The following NOX3 variants were observed in gnomAD, a reference collection of about 807,000 sequenced individuals.
The protein encoded by NOX3 is NADPH oxidase 3, also known as NADPH oxidase catalytic subunit-like 3.
In NOX3, 74 loss-of-function variants were observed where a neutral mutation model predicts 76.7. The observed-to-expected ratio is 0.96, with a 90% confidence interval of 0.80 to 1.17. The LOEUF (loss-of-function observed/expected upper bound fraction) is 1.17. NOX3 is among the 50% of genes most tolerant of loss of function. NOX3 has a pLI of 0.00. For missense variants in NOX3, 695 were observed against 703.3 expected, an observed-to-expected ratio of 0.99 and a Z score of 0.13; for synonymous variants, 263 against 261.1, an observed-to-expected ratio of 1.01 and a Z score of -0.07.
intron 7 of NOX3, among the ~76,000 whole-genome samples, chr6:155,435,556 T>G (rs1776893778): frequency 6.6e-6 from 1 of 152,196 alleles, no homozygotes; most frequent in East Asian, 1.9e-4. Context: ...TCACTTATAT[T>G]CTTCATATGT....
At position 155,440,207 on chromosome 6, in the gene NOX3, A is replaced by T. The variant is rs1049670258; in HGVS notation, c.487-70T>A. ...ACACCTTGACATTAAATATCCTGGC[A>T]TATTTTTTTTTTTCATTTTTAGGAC... On this transcript the variant is annotated intron_variant, in intron 5 of 13. Transcript: ENST00000159060. The T allele has an allele frequency of 6.1e-5, 79 of 1,301,462 alleles. 1 individual carries two copies. In the African/African-American group the frequency reaches 1.1e-3, roughly 18 times the overall value. The allele number at this position is 1,301,462 out of a possible 1,614,324, so 80.6% of individuals were successfully genotyped here.
intron 10 of NOX3, among the ~76,000 whole-genome samples, chr6:155,413,956 C>A (rs1210417068): frequency 2.0e-5 from 3 of 152,252 alleles, no homozygotes; most frequent in African/African-American, 7.2e-5. Context: ...TTCCTCCGTA[C>A]ATGAAACTTT....
At chr6:155,443,615 T>C (rs1777023709) in intron 4 of NOX3, among the ~76,000 whole-genome samples, 197 bp from the exon 5 acceptor site, 1 of 152,148 alleles carries the variant, frequency 6.6e-6, no homozygotes, top group Non-Finnish European at 1.5e-5. Context: ...TGTACAAAAA[T>C]CTCCACATTT....
chr6:155,428,972 T>G lies in NOX3; in HGVS notation c.967A>C (p.Ile323Leu), dbSNP rs753620217. ...RGFKMAPGQYILVQCPAISSL... is the reference protein window; with the variant it reads ...RGFKMAPGQYLLVQCPAISSL... ...GATATGGCTGGGCACTGCACCAAGATGTACTGCCCTGGCGCCATTTTAAAG... is the reference window on the plus strand; with the variant it reads ...GATATGGCTGGGCACTGCACCAAGAGGTACTGCCCTGGCGCCATTTTAAAG... Residue 323 changes from isoleucine to leucine, a missense_variant, in exon 9 of 14, where the codon ATC (isoleucine) becomes CTC (leucine). Ile to Leu is a conservative substitution (Grantham distance 5). Transcript: ENST00000159060. 1.4e-5 allele frequency: 22 copies of G among 1,613,880 alleles called. No individual in the cohort carries two copies. The highest frequency in any genetic ancestry group is 1.7e-5 in the Non-Finnish European group (20 of 1,179,818).
At chr6:155,445,170 G>T (rs1240025077) in intron 4 of NOX3, among the ~76,000 whole-genome samples, 1 of 152,150 alleles carries the variant, frequency 6.6e-6, no homozygotes, top group Non-Finnish European at 1.5e-5. Context: ...CCGCTGGGTG[G>T]CCAGTTGATA....
intron 10 of NOX3, among the ~76,000 whole-genome samples, chr6:155,417,424 C>G (rs192344631): frequency 6.6e-6 from 1 of 152,164 alleles, no homozygotes; most frequent in Non-Finnish European, 1.5e-5. Context: ...TGCAAGAAGA[C>G]TGTAGTCACG....
In NOX3 at chr6:155,436,483, G is replaced by T. The variant is rs760251192; in HGVS notation, c.733C>A (p.Arg245Ser). ...SLHNITFCRD[R>S]YAEWQTVAQC... Reference sequence around the variant, plus strand: ...GCCACTGTCTGCCATTCTGCATAGCGGTCTCTACAGAAGGTGATGTTGTGC... The same window carrying T: ...GCCACTGTCTGCCATTCTGCATAGCTGTCTCTACAGAAGGTGATGTTGTGC... The change falls in exon 7 of 14, where the codon CGC becomes AGC. Residue 245 changes from arginine (R) to serine (S), a missense_variant. Physicochemically the swap from Arg to Ser is moderately radical, Grantham distance 110. Coordinates refer to ENST00000159060, the MANE Select transcript of NOX3 (RefSeq NM_015718.3). 2.5e-6 allele frequency: 4 copies of T among 1,613,682 alleles called. No individual in the cohort carries two copies. Among genetic ancestry groups the T allele is most frequent in the African/African-American group, 2.7e-5 (2 of 74,912 alleles).
chr6:155,426,247 C>T (rs1036023010), intron 9 of NOX3, among the ~76,000 whole-genome samples: 15 of 152,180 alleles, frequency 9.9e-5, no homozygotes, highest in African/African-American at 3.4e-4. Flanking sequence ...TATGACAACT[C>T]ATTTTTATCG....
chr6:155,439,955 C>G lies in NOX3; in HGVS notation c.668+1G>C. The G allele has an allele frequency of 6.2e-7, 1 of 1,613,152 alleles. No individual in the cohort carries two copies. Among genetic ancestry groups the G allele is most frequent in the Non-Finnish European group, 8.5e-7 (1 of 1,179,586 alleles). Reference sequence around the variant, plus strand: ...TGCAGAGGAGCGCAGTATGGACTTACCCCGTCCCATGGATGGCCAGGCTGA... The same window carrying G: ...TGCAGAGGAGCGCAGTATGGACTTAGCCCGTCCCATGGATGGCCAGGCTGA... On this transcript the variant is annotated splice_donor_variant, in intron 6 of 13. Coordinates refer to ENST00000159060, the MANE Select transcript of NOX3 (RefSeq NM_015718.3). LOFTEE classifies it high-confidence loss of function.
chr6:155,453,285 TA>T, intron 4 of NOX3, 118 bp downstream of exon 4: 1 of 791,756 alleles, frequency 1.3e-6, no homozygotes, highest in Non-Finnish European at 2.2e-6. Flanking sequence ...CAGGGTCAGA[TA>T]AAGGGCAAAG....
intron 9 of NOX3, 53 bp from the exon 10 acceptor site, chr6:155,422,909 G>A (rs990663579): frequency 3.8e-6 from 6 of 1,580,576 alleles, no homozygotes; most frequent in Non-Finnish European, 5.2e-6. Flanking sequence ...CCTTGCTCGT[G>A]AACCCAGAAC....
chr6:155,444,830 G>A (rs911931881), intron 4 of NOX3, among the ~76,000 whole-genome samples: 4 of 152,094 alleles, frequency 2.6e-5, no homozygotes, highest in African/African-American at 7.2e-5. Flanking sequence ...TGTATACCCC[G>A]CAGACAAGGA....
At chr6:155,454,361 A>G (rs1777184544) in intron 3 of NOX3, among the ~76,000 whole-genome samples, 1 of 152,248 alleles carries the variant, frequency 6.6e-6, no homozygotes, top group Non-Finnish European at 1.5e-5. Context: ...AGTGAAATCA[A>G]TATAATTGAG....
chr6:155,431,414 AC>A (rs1776831650), intron 7 of NOX3, among the ~76,000 whole-genome samples: 4 of 2,864 alleles, frequency 1.4e-3, no homozygotes, highest in African/African-American at 0.01. Context: ...AAACACAGAA[AC>A]ACACACACAC....
rs146059857 is a variant in NOX3 at position 155,443,039 on chromosome 6, A to G, written c.486+234T>C. ...TACTGCGTTTCTAGTGTGTGTGTGT[A>G]TATATATATAAATTAATTAGGTGAC... On this transcript the variant is annotated intron_variant, in intron 5 of 13. Transcript: ENST00000159060. Among the ~76,000 whole-genome samples the G allele has an allele frequency of 3.4e-3, 518 of 152,134 alleles. 3 individuals are homozygous for G. The highest frequency in any genetic ancestry group is 0.011 in the African/African-American group (469 of 41,518).
chr6:155,430,765 G>A, intron 8 of NOX3, 78 bp downstream of exon 8: 3 of 839,658 alleles, frequency 3.6e-6, no homozygotes, highest in South Asian at 1.5e-5. Flanking sequence ...AATAAAAATG[G>A]CAAATTAAAA....
intron 10 of NOX3, among the ~76,000 whole-genome samples, chr6:155,416,194 C>T (rs967740901): frequency 2.0e-5 from 3 of 152,194 alleles, no homozygotes; most frequent in Non-Finnish European, 4.4e-5. Context: ...GGGCAGCACG[C>T]CTCTGTACCC....
chr6:155,402,394 A>G (rs540860665), intron 12 of NOX3, among the ~76,000 whole-genome samples: 30 of 152,322 alleles, frequency 2.0e-4, no homozygotes, highest in Middle Eastern at 6.8e-3. Context: ...ATATTTGTTG[A>G]CTGTCTTTCA....
chr6:155,411,388 A>T (rs1412331127), intron 10 of NOX3, 28 bp from the exon 11 acceptor site: 1 of 1,598,274 alleles, frequency 6.3e-7, no homozygotes, highest in South Asian at 1.1e-5. Flanking sequence ...AAGTGAACGG[A>T]TCTATTCTCT....
Sources: allele counts gnomAD v4.1 joint callset (sites outside exome capture counted in the v4.1 genomes callset), GRCh38; gene constraint gnomAD v4.1.1; transcripts MANE v1.5; gene names NCBI Gene and HGNC (gene_info 2026-07-23, HGNC 2026-07-21).